The following CEACAM16 variants were observed in gnomAD, a reference collection of about 807,000 sequenced individuals.
CEACAM16 encodes the protein CEA cell adhesion molecule 16, tectorial membrane component.
Under a neutral mutation model 39.4 loss-of-function variants are expected in CEACAM16, and 30 were observed. That is an observed-to-expected ratio of 0.76 (90% CI 0.57 to 1.03). CEACAM16 has a LOEUF of 1.03. Among genes scored for constraint, CEACAM16 ranks in the 50% least tolerant of loss-of-function variants. The pLI is 0.00. For missense variants in CEACAM16, 521 were observed against 585.3 expected (o/e 0.89, Z 1.13); for synonymous variants, 262 against 264.9 (o/e 0.99, Z 0.11).
At chr19:44,710,263 GCCTTGGGATT>G (rs1974516707) in intron 6 of CEACAM16, among the ~76,000 whole-genome samples, 2 of 152,204 alleles carry the variant, frequency 1.3e-5, no homozygotes, top group Non-Finnish European at 2.9e-5. Flanking sequence ...CCCCGGCAAA[GCCTTGGGATT>G]CCTTTTCACC....
chr19:44,705,291 A>AG (rs1271394059), intron 4 of CEACAM16, among the ~76,000 whole-genome samples: 1 of 125,880 alleles, frequency 7.9e-6, no homozygotes, highest in East Asian at 2.4e-4. Context: ...TGGCTTTGTC[A>AG]GAAAAAAAAA....
At chr19:44,709,743 G>C (rs1368517134) in intron 6 of CEACAM16, among the ~76,000 whole-genome samples, 2 of 147,990 alleles carry the variant, frequency 1.4e-5, no homozygotes, top group Non-Finnish European at 3.0e-5. Context: ...TCCTCCATCA[G>C]ACTGGGAGCT....
intron 6 of CEACAM16, among the ~76,000 whole-genome samples, chr19:44,710,246 C>G (rs568997262): frequency 6.0e-4 from 91 of 152,352 alleles, no homozygotes; most frequent in Non-Finnish European, 9.7e-4. Flanking sequence ...TCAGTGGCAG[C>G]AGGCCACCCC....
rs142719234 is a variant in CEACAM16 at position 44,704,450 on chromosome 19, G to T, written c.661+154G>T. Among the ~76,000 whole-genome samples the T allele has an allele frequency of 3.0e-3, 452 of 152,344 alleles. 2 individuals are homozygous for T. Among genetic ancestry groups the T allele is most frequent in the African/African-American group, 0.01 (430 of 41,580 alleles). On this transcript the variant is annotated intron_variant, in intron 4 of 6. Transcript: ENST00000587331. ...CCCCTCTTAAAGTGCACTTGCCCTC[G>T]CCAGGTGCAGTGGCTCACGCCTGTA...
chr19:44,709,452 T>C (rs113475884), intron 6 of CEACAM16, among the ~76,000 whole-genome samples: 25 of 142,750 alleles, frequency 1.8e-4, no homozygotes, highest in Admixed American at 5.4e-4. Context: ...TTCATCAGAC[T>C]GGGAGCTCCC....
chr19:44,710,583 ACTCCC>A lies in CEACAM16; in HGVS notation c.*79_*83del, dbSNP rs1974521904. Reference sequence around the variant, plus strand: ...GGTCCTCGCCCTCTGAGTGGGAACCACTCCCCCACAGCGAGGATGCCAGGCTGTGG... The same window carrying A: ...GGTCCTCGCCCTCTGAGTGGGAACCACCACAGCGAGGATGCCAGGCTGTGG... On this transcript the variant is annotated 3_prime_UTR_variant, in exon 7 of 7. Transcript: ENST00000587331. The A allele has an allele frequency of 1.3e-6, 2 of 1,586,168 alleles. No individual in the cohort carries two copies. Among genetic ancestry groups the A allele is most frequent in the Admixed American group, 1.7e-5 (1 of 59,680 alleles).
chr19:44,703,766 TA>T (rs200629926), intron 3 of CEACAM16, 73 bp downstream of exon 3: 110,175 of 776,710 alleles, frequency 0.14, no homozygotes, highest in East Asian at 0.22. Context: ...TTCTTTTTTT[TA>T]AAAAAAAAAA....
intron 4 of CEACAM16, 112 bp downstream of exon 4, chr19:44,704,408 G>T: frequency 7.5e-7 from 1 of 1,330,776 alleles, no homozygotes; most frequent in South Asian, 1.6e-5. Flanking sequence ...AGGCAAGCTG[G>T]GATTGGGGAC....
At position 44,705,590 on chromosome 19, in the gene CEACAM16, T is replaced by A. The variant is rs373864861; in HGVS notation, c.662T>A (p.Phe221Tyr). The change falls in exon 5 of 7, where the codon TTT becomes TAT. Residue 221 changes from phenylalanine to tyrosine, a missense_variant and splice_region_variant. Physicochemically the swap from Phe to Tyr is conservative, Grantham distance 22. Transcript: ENST00000587331. ...RSEPINLTVY[F>Y]GPERVAILQD... ...ATCTATCTCCCTCCTGCCCCCACAG[T>A]TGGCCCAGAGCGTGTGGCCATCCTC... 76 of 1,593,696 alleles carry A rather than the reference T, an allele frequency of 4.8e-5. No homozygotes were observed. The highest frequency in any genetic ancestry group is 6.2e-5 in the Non-Finnish European group (72 of 1,165,350).
Position 44,701,340 on chromosome 19 carries a change from C to T in CEACAM16, c.-96-21C>T. The T allele has an allele frequency of 8.7e-7, 1 of 1,147,904 alleles. No homozygotes were observed. The highest frequency in any genetic ancestry group is 2.0e-5 in the Admixed American group (1 of 50,480). 71.1% of individuals were successfully genotyped at this position (1,147,904 alleles called of 1,614,324 possible). A position where few individuals can be genotyped will look rare whatever the true frequency, so the allele number is the denominator to read the frequency against. On this transcript the variant is annotated intron_variant, in intron 1 of 6. Coordinates refer to ENST00000587331, the MANE Select transcript of CEACAM16 (RefSeq NM_001039213.4). This position sits in a 1 kb window ranked among gnomAD's most constrained non-coding sequence, Gnocchi z 4.0. The stretch of plus-strand genomic sequence containing the variant: ...AAATTCAGGTGATCTCCCCTGGCTC[C>T]AAATCACCAAACCCTCCCAGGTCCT...
At position 44,708,055 on chromosome 19, in the gene CEACAM16, C is replaced by T. The variant is rs771692758; in HGVS notation, c.1135C>T (p.Arg379Trp). 5.5e-5 allele frequency: 89 copies of T among 1,612,518 alleles called. No homozygotes were observed. Among genetic ancestry groups the T allele is most frequent in the Non-Finnish European group, 7.1e-5 (84 of 1,179,622 alleles). ...GATTGCAGGCCCCGCGCACACAGGC[C>T]GGGAGGTGGGCTTCCCCAACTGCTC... is the stretch of plus-strand genomic sequence containing the variant. ...TWIAGPAHTGREVGFPNCSLL... is the reference protein window; with the variant it reads ...TWIAGPAHTGWEVGFPNCSLL... The change falls in exon 6 of 7, where the codon CGG (arginine) becomes TGG (tryptophan). Residue 379 changes from arginine (R) to tryptophan (W), a missense_variant. Transcript: ENST00000587331.
chr19:44,703,386 C>T lies in CEACAM16; in HGVS notation c.75C>T (p.Thr25=). 1 of 1,613,600 alleles carries T rather than the reference C, an allele frequency of 6.2e-7. No homozygotes were observed. Among genetic ancestry groups the T allele is most frequent in the Non-Finnish European group, 8.5e-7 (1 of 1,179,844 alleles). Reference sequence around the variant, plus strand: ...ATGTGGGGGCCGAGATCTCTATCACCCTGGAGCCTGCCCAGCCGAGCGAAG... The same window carrying T: ...ATGTGGGGGCCGAGATCTCTATCACTCTGGAGCCTGCCCAGCCGAGCGAAG... ...FLNVGAEISI[T]LEPAQPSEGD... Residue 25 remains threonine (T), a synonymous_variant, in exon 3 of 7, where the codon ACC becomes ACT. Transcript: ENST00000587331.
At chr19:44,709,391 T>C (rs1382903942) in intron 6 of CEACAM16, among the ~76,000 whole-genome samples, 23 of 106,470 alleles carry the variant, frequency 2.2e-4, no homozygotes, top group South Asian at 1.0e-3. Flanking sequence ...AGTCAGGGTC[T>C]ATGTCTCCTC....
Position 44,708,184 on chromosome 19 carries a change from GC to G in CEACAM16, c.1267del (p.Leu424TrpfsTer25). ...GACACTGGAAGTGGAGCTGCAGGTG[GC>G]CCGTGAGTGTGTGGGAAGGGGCAAG... Reference protein sequence around the residue: ...TETLEVELQVAPLG With the variant: ...TETLEVELQVXPLG On this transcript the variant is annotated frameshift_variant and splice_region_variant, in exon 6 of 7. Transcript: ENST00000587331. LOFTEE classifies it high-confidence loss of function. 2 of 1,564,618 alleles carry G rather than the reference GC, an allele frequency of 1.3e-6. No individual in the cohort carries two copies. The highest frequency in any genetic ancestry group is 1.7e-6 in the Non-Finnish European group (2 of 1,147,790).
At position 44,706,310 on chromosome 19, in the gene CEACAM16, A is replaced by ACG. The variant is rs1223976930; in HGVS notation, c.940+443_940+444insGC. Among the ~76,000 whole-genome samples the ACG allele has an allele frequency of 5.5e-5, 8 of 145,044 alleles. No homozygotes were observed. The South Asian group carries it at 1.8e-3, about 32-fold the overall frequency. ...CACACACACACACACACACACACAC[A>ACG]CAACTGAAGAATCACAGCCAATTGC... is the stretch of plus-strand genomic sequence containing the variant. On this transcript the variant is annotated intron_variant, in intron 5 of 6. Coordinates refer to ENST00000587331, the MANE Select transcript of CEACAM16 (RefSeq NM_001039213.4).
intron 6 of CEACAM16, 80 bp downstream of exon 6, chr19:44,708,267 C>A: frequency 7.4e-7 from 1 of 1,356,850 alleles, no homozygotes; most frequent in Non-Finnish European, 9.9e-7. Flanking sequence ...CTCCATCAGG[C>A]TGGGGGGACA....
Position 44,710,591 on chromosome 19 carries a change from ACAGC to A in CEACAM16, c.*86_*89del, listed in dbSNP as rs1974522103. 4 of 1,557,474 alleles carry A rather than the reference ACAGC, an allele frequency of 2.6e-6. No individual in the cohort carries two copies. Among genetic ancestry groups the A allele is most frequent in the Admixed American group, 1.7e-5 (1 of 59,784 alleles). Reference sequence around the variant, plus strand: ...CCCTCTGAGTGGGAACCACTCCCCCACAGCGAGGATGCCAGGCTGTGGTCCTGCT... The same window carrying A: ...CCCTCTGAGTGGGAACCACTCCCCCAGAGGATGCCAGGCTGTGGTCCTGCT... On this transcript the variant is annotated 3_prime_UTR_variant, in exon 7 of 7. Transcript: ENST00000587331.
Position 44,704,299 on chromosome 19 carries a change from G to C in CEACAM16, c.661+3G>C. 6.7e-7 allele frequency: 1 copy of C among 1,495,596 alleles called. No homozygotes were observed. The highest frequency in any genetic ancestry group is 1.3e-5 in the South Asian group (1 of 78,022). 92.6% of individuals were successfully genotyped at this position (1,495,596 alleles called of 1,614,324 possible). Reference sequence around the variant, plus strand: ...GCCCATCAACCTGACCGTGTACTGTGAGTCCTCCTGGCCCCACTGGAGATA... The same window carrying C: ...GCCCATCAACCTGACCGTGTACTGTCAGTCCTCCTGGCCCCACTGGAGATA... On this transcript the variant is annotated splice_donor_region_variant and intron_variant, in intron 4 of 6. Transcript: ENST00000587331.
At chr19:44,707,680 G>A (rs1483061037) in intron 5 of CEACAM16, among the ~76,000 whole-genome samples, 181 bp from the exon 6 acceptor site, 1 of 152,184 alleles carries the variant, frequency 6.6e-6, no homozygotes, top group East Asian at 1.9e-4. Context: ...GACCCCAGCA[G>A]ACACTACTGG....
Sources: gnomAD v4.1 joint callset for allele counts (sites outside exome capture counted in the v4.1 genomes callset) on GRCh38, gnomAD v4.1.1 for gene constraint, Gnocchi (gnomAD v3.1) non-coding constraint, MANE v1.5 for transcripts, NCBI Gene and HGNC (gene_info 2026-07-23, HGNC 2026-07-21) for gene names.